The following IARS1 variants were observed in gnomAD, a reference collection of about 807,000 sequenced individuals.
The protein encoded by IARS1 is isoleucyl-tRNA synthetase 1.
Under a neutral mutation model 168.2 loss-of-function variants are expected in IARS1, and 124 were observed. That is an observed-to-expected ratio of 0.74 (90% CI 0.64 to 0.86). The LOEUF (loss-of-function observed/expected upper bound fraction) is 0.86. Ranked by LOEUF, IARS1 falls within the 40% of genes least tolerant of loss-of-function variation. IARS1 has a pLI of 0.00. For missense variants in IARS1, 1,452 were observed against 1,515.8 expected (o/e 0.96, Z 0.70); for synonymous variants, 532 against 529.4 (o/e 1.00, Z -0.07).
chr9:92,225,040 C>T (rs1031446980), intron 31 of IARS1, among the ~76,000 whole-genome samples: 1 of 152,040 alleles, frequency 6.6e-6, no homozygotes, highest in Non-Finnish European at 1.5e-5. Context: ...CTACCAACAG[C>T]GGGAACCATT....
rs1437026880 is a variant in IARS1, at chr9:92,210,554, G to A, written c.*253C>T. On this transcript the variant is annotated 3_prime_UTR_variant, in exon 34 of 34. Coordinates refer to ENST00000443024, the MANE Select transcript of IARS1 (RefSeq NM_002161.6). Reference sequence around the variant, plus strand: ...AAGAACTCAAGTATAGAAATAAACTGTGGGCTGAAGTAACATTGTAACCTG... The same window carrying A: ...AAGAACTCAAGTATAGAAATAAACTATGGGCTGAAGTAACATTGTAACCTG... 3 of 357,346 alleles carry A rather than the reference G, an allele frequency of 8.4e-6. No individual in the cohort carries two copies. The highest frequency in any genetic ancestry group is 1.5e-5 in the Non-Finnish European group (3 of 196,484). The allele number at this position is 357,346 out of a possible 1,614,324, so 22.1% of individuals were successfully genotyped here.
intron 9 of IARS1, among the ~76,000 whole-genome samples, chr9:92,275,008 G>T (rs1259392630): frequency 1.3e-5 from 2 of 152,168 alleles, no homozygotes; most frequent in Non-Finnish European, 2.9e-5. Context: ...CTACTTACAG[G>T]TACTCCACCA....
intron 6 of IARS1, among the ~76,000 whole-genome samples, chr9:92,283,436 G>C (rs1230167997): frequency 6.6e-6 from 1 of 152,188 alleles, no homozygotes; most frequent in Non-Finnish European, 1.5e-5. Flanking sequence ...CTGAGGTAAG[G>C]AGTTCAAGAC....
chr9:92,266,394 A>C (rs1400594676), intron 14 of IARS1, among the ~76,000 whole-genome samples: 1 of 152,222 alleles, frequency 6.6e-6, no homozygotes, highest in African/African-American at 2.4e-5. Context: ...AACATCACAG[A>C]CCTAGATGGG....
chr9:92,277,994 C>A (rs1834003850), intron 8 of IARS1, 71 bp from the exon 9 acceptor site: 3 of 1,404,452 alleles, frequency 2.1e-6, no homozygotes, highest in Non-Finnish European at 3.0e-6. Context: ...CATCAAGCTA[C>A]CACTCCCCTC....
At position 92,271,633 on chromosome 9, in the gene IARS1, T is replaced by C. The variant is rs1364722990; in HGVS notation, c.1013A>G (p.Asp338Gly). Residue 338 changes from aspartate to glycine, a missense_variant, in exon 11 of 34, where the codon GAC (aspartate) becomes GGC (glycine). Transcript: ENST00000443024. ...TGAGTCTTTCCGAATAATGTTAAAG[T>C]CCATACAGACCCGATAGTCCTCCTG... ...FGAEDYRVCM[D>G]FNIIRKDSLP... The C allele has an allele frequency of 6.2e-7, 1 of 1,614,034 alleles. No individual in the cohort carries two copies.
intron 14 of IARS1, 37 bp downstream of exon 14, chr9:92,268,137 G>A: frequency 6.5e-7 from 1 of 1,527,256 alleles, no homozygotes. Flanking sequence ...AAATGCTTTA[G>A]CAAAAATCAA....
intron 19 of IARS1, 140 bp from the exon 20 acceptor site, chr9:92,256,940 G>T: frequency 1.4e-6 from 1 of 732,046 alleles, no homozygotes; most frequent in Admixed American, 3.0e-5. Context: ...CTGATTTTCA[G>T]CAATATTTTC....
chr9:92,211,474 GGT>G (rs766871231), intron 33 of IARS1, among the ~76,000 whole-genome samples: 1 of 152,152 alleles, frequency 6.6e-6, no homozygotes, highest in Non-Finnish European at 1.5e-5. Context: ...ACCTGAGGGT[GGT>G]TTAGGAAAAT....
Position 92,222,577 on chromosome 9 carries a change from C to G in IARS1, c.3649G>C (p.Val1217Leu). The G allele has an allele frequency of 6.2e-7, 1 of 1,614,118 alleles. No individual in the cohort carries two copies. Among genetic ancestry groups the G allele is most frequent in the Non-Finnish European group, 8.5e-7 (1 of 1,180,024 alleles). ...HQGLLYEAAKVFGLRSRKLKL... is the reference protein window; with the variant it reads ...HQGLLYEAAKLFGLRSRKLKL... ...AGCTTCCTGCTCCGAAGGCCAAACACCTTGGCTGCTTCATACAGAAGACCT... is the reference window on the plus strand; with the variant it reads ...AGCTTCCTGCTCCGAAGGCCAAACAGCTTGGCTGCTTCATACAGAAGACCT... Residue 1217 changes from valine (V) to leucine (L), a missense_variant, in exon 33 of 34, where the codon GTG (valine) becomes CTG (leucine). Transcript: ENST00000443024.
At chr9:92,277,828 T>C in intron 9 of IARS1, 35 bp downstream of exon 9, 1 of 1,579,762 alleles carries the variant, frequency 6.3e-7, no homozygotes, top group East Asian at 2.2e-5. Flanking sequence ...AATCAGATTG[T>C]GGAGAGCGCC....
chr9:92,247,234 G>A (rs961408641), intron 26 of IARS1, 143 bp downstream of exon 26: 4 of 615,560 alleles, frequency 6.5e-6, no homozygotes, highest in African/African-American at 3.7e-5. Flanking sequence ...AGAGAGTAAG[G>A]AAAGGAAAGG....
Position 92,283,636 on chromosome 9 carries a change from G to A in IARS1, c.597+2086C>T, listed in dbSNP as rs145435284. Reference sequence around the variant, plus strand: ...AGCCTGGGCATCAGAGTGAGACTCCGTCTCAAAAAAATAAAAATTAAAACA... The same window carrying A: ...AGCCTGGGCATCAGAGTGAGACTCCATCTCAAAAAAATAAAAATTAAAACA... On this transcript the variant is annotated intron_variant, in intron 6 of 33. Coordinates refer to ENST00000443024, the MANE Select transcript of IARS1 (RefSeq NM_002161.6). Among the ~76,000 whole-genome samples the A allele has an allele frequency of 2.8e-4, 43 of 152,098 alleles. No individual in the cohort carries two copies. In the East Asian group the frequency reaches 5.8e-3, roughly 21 times the overall value.
intron 20 of IARS1, among the ~76,000 whole-genome samples, chr9:92,256,023 A>G (rs1830665629): frequency 8.4e-6 from 1 of 119,376 alleles, no homozygotes; most frequent in Non-Finnish European, 2.0e-5. Context: ...ATGTACCCAT[A>G]AAAAAAAAAA....
In IARS1 at chr9:92,249,916, A is replaced by C. The variant is rs1166696597; in HGVS notation, c.2558T>G (p.Ile853Ser). The change falls in exon 25 of 34, where the codon ATC (isoleucine) becomes AGC (serine). Residue 853 changes from isoleucine to serine, a missense_variant. Ile to Ser is a moderately radical substitution (Grantham distance 142). Transcript: ENST00000443024. ...IKYPLKEIVV[I>S]HQDPEALKDI... ...TTTAAGAGCTTCTGGATCTTGATGGATAACCACAATTTCTTTCAAAGGATA... is the reference window on the plus strand; with the variant it reads ...TTTAAGAGCTTCTGGATCTTGATGGCTAACCACAATTTCTTTCAAAGGATA... 1 of 1,605,556 alleles carries C rather than the reference A, an allele frequency of 6.2e-7. No individual in the cohort carries two copies. Among genetic ancestry groups the C allele is most frequent in the Non-Finnish European group, 8.5e-7 (1 of 1,172,578 alleles).
chr9:92,225,909 G>A (rs1029373211), intron 31 of IARS1, among the ~76,000 whole-genome samples: 1 of 152,216 alleles, frequency 6.6e-6, no homozygotes, highest in Admixed American at 6.5e-5. Flanking sequence ...AGCAGCCCAC[G>A]CTCCTGCCTC....
chr9:92,215,999 A>G (rs1018358427), intron 33 of IARS1, among the ~76,000 whole-genome samples: 6 of 151,118 alleles, frequency 4.0e-5, no homozygotes, highest in African/African-American at 1.2e-4. Context: ...AATGAAGGAA[A>G]AAATGTTAAG....
Position 92,229,060 on chromosome 9 carries a change from A to C in IARS1, c.3350T>G (p.Val1117Gly). ...NRLDLLKLKS[V>G]VTSIFGVKNT... ...TTTCACACCAAAAATGCTAGTGACA[A>C]CACTCTTCAGCTTTAAAAGGTCCAA... is the stretch of plus-strand genomic sequence containing the variant. Residue 1117 changes from valine (V) to glycine (G), a missense_variant, in exon 31 of 34, where the codon GTT (valine) becomes GGT (glycine). Physicochemically the swap from Val to Gly is moderately radical, Grantham distance 109. Coordinates refer to ENST00000443024, the MANE Select transcript of IARS1 (RefSeq NM_002161.6). 2 of 1,614,130 alleles carry C rather than the reference A, an allele frequency of 1.2e-6. No individual in the cohort carries two copies. The highest frequency in any genetic ancestry group is 1.7e-6 in the Non-Finnish European group (2 of 1,180,016).
intron 9 of IARS1, 32 bp downstream of exon 9, chr9:92,277,831 A>C: frequency 6.3e-7 from 1 of 1,583,194 alleles, no homozygotes; most frequent in South Asian, 1.1e-5. Flanking sequence ...CAGATTGTGG[A>C]GAGCGCCCAC....
Sources: allele counts gnomAD v4.1 joint callset (sites outside exome capture counted in the v4.1 genomes callset), GRCh38; gene constraint gnomAD v4.1.1; transcripts MANE v1.5; gene names NCBI Gene and HGNC (gene_info 2026-07-23, HGNC 2026-07-21).